SNX29: variants seen among roughly 807,000 people sequenced by gnomAD.
SNX29 encodes the protein sorting nexin-29.
In SNX29, 78 loss-of-function variants were observed where a neutral mutation model predicts 102.1. The observed-to-expected ratio is 0.76, with a 90% CI of 0.64 to 0.92. The LOEUF (loss-of-function observed/expected upper bound fraction) is 0.92, where lower values mean the gene tolerates loss of function less well. Among genes scored for constraint, SNX29 ranks in the 40% least tolerant of loss-of-function variants. The probability of loss-of-function intolerance (pLI) is 0.00; values close to 1 mark genes in which losing one functional copy is unlikely to be tolerated. For missense variants in SNX29, 1,280 were observed against 1,061.7 expected, an observed-to-expected ratio of 1.21 and a Z score of -2.86; for synonymous variants, 580 against 414.5, an observed-to-expected ratio of 1.40 and a Z score of -4.85.
intron 1 of SNX29, among the ~76,000 whole-genome samples, chr16:11,980,395 GTTTA>G (rs1278562458): frequency 6.6e-6 from 1 of 152,002 alleles, no homozygotes; most frequent in Non-Finnish European, 1.5e-5. Context: ...ATCATATTTT[GTTTA>G]TTCATGCATC....
In SNX29 at chr16:12,572,616, C is replaced by A. The variant is rs1294203909; in HGVS notation, c.*3987C>A. The A allele has an allele frequency of 5.6e-6, 6 of 1,063,394 alleles. No homozygotes were observed. Among genetic ancestry groups the A allele is most frequent in the Admixed American group, 5.4e-5 (1 of 18,668 alleles). The allele number at this position is 1,063,394 out of a possible 1,614,324, so 65.9% of individuals were successfully genotyped here. On this transcript the variant is annotated 3_prime_UTR_variant, in exon 21 of 21. Transcript: ENST00000566228. ...CAGTGAGCCCCCTCCCCTCCGGCTA[C>A]CCCCAGAATCCATCCTTCATTCCTC...
intron 14 of SNX29, among the ~76,000 whole-genome samples, chr16:12,273,963 G>C (rs893827620): frequency 2.0e-5 from 3 of 152,152 alleles, no homozygotes; most frequent in African/African-American, 4.8e-5. Flanking sequence ...TGGCTAGACC[G>C]CATCTTGTTC....
chr16:12,427,663 C>T (rs2085137437), intron 18 of SNX29, among the ~76,000 whole-genome samples: 1 of 152,172 alleles, frequency 6.6e-6, no homozygotes, highest in Non-Finnish European at 1.5e-5. Context: ...AGAGACAATG[C>T]CTGTGCCAGG....
intron 18 of SNX29, among the ~76,000 whole-genome samples, chr16:12,448,722 C>CA (rs907259378): frequency 6.6e-6 from 1 of 152,176 alleles, no homozygotes; most frequent in Non-Finnish European, 1.5e-5. Flanking sequence ...TGCTCAGAGA[C>CA]AGAACTGAGA....
chr16:12,245,067 T>A (rs2078220823), intron 14 of SNX29, among the ~76,000 whole-genome samples: 1 of 152,186 alleles, frequency 6.6e-6, no homozygotes, highest in African/African-American at 2.4e-5. Flanking sequence ...ATAGAAAACA[T>A]TGATTCCCCG....
At chr16:12,348,057 A>G (rs1381617370) in intron 15 of SNX29, among the ~76,000 whole-genome samples, 1 of 152,090 alleles carries the variant, frequency 6.6e-6, no homozygotes, top group African/African-American at 2.4e-5. Context: ...CAGCCTGGGC[A>G]ACAGAATAAG....
chr16:12,545,512 C>T (rs1023749931), intron 20 of SNX29: 3 of 152,220 alleles, frequency 2.0e-5, no homozygotes, highest in Non-Finnish European at 2.9e-5. Flanking sequence ...TGTGTCCTGT[C>T]AGAGTGGGTG....
At chr16:12,042,759 G>C in intron 4 of SNX29, 138 bp from the exon 5 acceptor site, 1 of 807,132 alleles carries the variant, frequency 1.2e-6, no homozygotes, top group South Asian at 1.9e-5. Flanking sequence ...CCATGTCTTT[G>C]GTGTTATCTC....
intron 20 of SNX29, chr16:12,527,144 C>A (rs757535651): frequency 3.9e-6 from 2 of 513,428 alleles, no homozygotes; most frequent in South Asian, 3.2e-5. Flanking sequence ...TCCCACAGCC[C>A]CCTTCTCCTT....
At chr16:12,126,567 G>A (rs1393648894) in intron 11 of SNX29, 66 bp from the exon 12 acceptor site, 4 of 1,517,600 alleles carry the variant, frequency 2.6e-6, no homozygotes, top group Non-Finnish European at 3.6e-6. Context: ...ATAATCCAGA[G>A]AGGTGAGGGC....
At chr16:12,558,713 G>T (rs919884648) in intron 20 of SNX29, among the ~76,000 whole-genome samples, 2 of 151,104 alleles carry the variant, frequency 1.3e-5, no homozygotes, top group African/African-American at 2.4e-5. Context: ...CCGTTTCTAC[G>T]GGGGGCTGCA....
intron 14 of SNX29, among the ~76,000 whole-genome samples, chr16:12,200,737 G>A (rs971377895): frequency 6.6e-6 from 1 of 152,024 alleles, no homozygotes; most frequent in South Asian, 2.1e-4. Flanking sequence ...CGTCCGCCTC[G>A]GCCTCCCAAA....
At chr16:12,552,667 C>T (rs1463321605) in intron 20 of SNX29, among the ~76,000 whole-genome samples, 1 of 152,196 alleles carries the variant, frequency 6.6e-6, no homozygotes, top group African/African-American at 2.4e-5. Context: ...AGACCCAGGC[C>T]ATGCAGGGCG....
chr16:12,170,101 G>A (rs2076110748), intron 13 of SNX29, among the ~76,000 whole-genome samples: 2 of 152,194 alleles, frequency 1.3e-5, no homozygotes, highest in Admixed American at 6.5e-5. Context: ...TAGATGCCAG[G>A]AGTGCTCCTC....
intron 10 of SNX29, among the ~76,000 whole-genome samples, chr16:12,077,651 G>C (rs1254304096): frequency 1.3e-5 from 2 of 152,016 alleles, no homozygotes; most frequent in Admixed American, 6.6e-5. Context: ...ATGAACTGTT[G>C]CTCTTTTGCC....
Position 12,530,000 on chromosome 16 carries a change from G to GT in SNX29, c.2318+5160dup, listed in dbSNP as rs563045147. Among the ~76,000 whole-genome samples, 740 of 152,310 alleles carry GT rather than the reference G, an allele frequency of 4.9e-3. 5 individuals are homozygous for GT. Among genetic ancestry groups the GT allele is most frequent in the South Asian group, 0.022 (107 of 4,820 alleles). On this transcript the variant is annotated intron_variant, in intron 20 of 20. Transcript: ENST00000566228. ...TCAAAGCTGCAGGCATATTGGTTAGGTGTGTGTTCAGTAAAGTGTCCATGC... is the reference window on the plus strand; with the variant it reads ...TCAAAGCTGCAGGCATATTGGTTAGGTTGTGTGTTCAGTAAAGTGTCCATGC...
At position 12,573,011 on chromosome 16, in the gene SNX29, T is replaced by C. The variant is rs1270680468; in HGVS notation, c.*4382T>C. 3.2e-6 allele frequency: 1 copy of C among 312,656 alleles called. No homozygotes were observed. Among genetic ancestry groups the C allele is most frequent in the African/African-American group, 2.1e-5 (1 of 46,596 alleles). The allele number at this position is 312,656 out of a possible 1,614,324, so 19.4% of individuals were successfully genotyped here. ...ATTCATTAAAGCTACTGTTAAATAT[T>C]TGCTGTTTTTAGATTGGCGTCCGTG... On this transcript the variant is annotated 3_prime_UTR_variant, in exon 21 of 21. Transcript: ENST00000566228.
At chr16:12,392,521 C>G (rs1329769061) in intron 16 of SNX29, among the ~76,000 whole-genome samples, 2 of 152,196 alleles carry the variant, frequency 1.3e-5, no homozygotes, top group South Asian at 2.1e-4. Flanking sequence ...ACTGAGCGAT[C>G]AGATGTGCCT....
At chr16:12,173,623 A>C (rs1401427128) in intron 13 of SNX29, among the ~76,000 whole-genome samples, 4 of 152,164 alleles carry the variant, frequency 2.6e-5, no homozygotes, top group African/African-American at 9.7e-5. Flanking sequence ...ATATCTGTTA[A>C]CCAGGAGCCA....
Sources: gnomAD v4.1 joint callset for allele counts (sites outside exome capture counted in the v4.1 genomes callset) on GRCh38, gnomAD v4.1.1 for gene constraint, MANE v1.5 for transcripts, NCBI Gene and HGNC (gene_info 2026-07-23, HGNC 2026-07-21) for gene names.